HEPH: variants seen among roughly 807,000 people sequenced by gnomAD.
HEPH encodes the protein hephaestin.
In HEPH, 69 loss-of-function variants were observed where a neutral mutation model predicts 80.8. The observed-to-expected ratio is 0.85, with a 90% confidence interval of 0.70 to 1.04. The LOEUF (loss-of-function observed/expected upper bound fraction) is 1.04. Ranked by LOEUF, HEPH falls within the 50% of genes least tolerant of loss-of-function variation. HEPH has a pLI of 0.00. For missense variants in HEPH, 1,115 were observed against 891.3 expected (o/e 1.25, Z -3.20); for synonymous variants, 431 against 322.8 (o/e 1.34, Z -3.60).
chrX:66,256,200 A>G lies in HEPH; in HGVS notation c.2766A>G (p.Ala922=), dbSNP rs750861316. 8.3e-7 allele frequency: 1 copy of G among 1,211,156 alleles called. No homozygotes were observed. Among genetic ancestry groups the G allele is most frequent in the African/African-American group, 1.7e-5 (1 of 57,790 alleles). ...GGAGTGACATGGATCGGGAATTTGC[A>G]TTGTTGTTCTTGATTTTTGATGAAA... ...GGRSDMDREF[A]LLFLIFDENK... is the part of the protein sequence containing the mutation. Residue 922 remains alanine, a synonymous_variant, in exon 17 of 21, where the codon GCA becomes GCG. Coordinates refer to ENST00000343002, the MANE Select transcript of HEPH (RefSeq NM_001367233.3).
At chrX:66,175,866 T>C (rs1162697938) in intron 4 of HEPH, among the ~76,000 whole-genome samples, 1 of 112,159 alleles carries the variant, frequency 8.9e-6, no homozygotes, top group Admixed American at 9.5e-5. Flanking sequence ...ATTAATCTTA[T>C]ATCCAGAAAC....
At chrX:66,233,317 C>T (rs900702014) in intron 15 of HEPH, among the ~76,000 whole-genome samples, 1 of 111,506 alleles carries the variant, frequency 9.0e-6, no homozygotes, top group Non-Finnish European at 1.9e-5. Flanking sequence ...CACTGCCTTA[C>T]CAAACCTCAA....
chrX:66,215,925 G>T (rs759686692), intron 15 of HEPH, among the ~76,000 whole-genome samples: 2 of 108,461 alleles, frequency 1.8e-5, no homozygotes, highest in African/African-American at 6.9e-5. Context: ...CCAGCCTTTC[G>T]GCTGTGGGCT....
intron 15 of HEPH, among the ~76,000 whole-genome samples, chrX:66,210,878 G>A (rs1275604526): frequency 1.8e-5 from 2 of 111,531 alleles, no homozygotes; most frequent in African/African-American, 3.2e-5. Context: ...AATAAATGCA[G>A]GAAGCAGGGG....
At chrX:66,243,843 C>G (rs1367207350) in intron 15 of HEPH, among the ~76,000 whole-genome samples, 1 of 112,220 alleles carries the variant, frequency 8.9e-6, no homozygotes, top group Non-Finnish European at 1.9e-5. Context: ...TTAATGACCT[C>G]TTGTAAGCCA....
chrX:66,198,019 G>A (rs887604622), intron 10 of HEPH, 125 bp downstream of exon 10: 2 of 557,581 alleles, frequency 3.6e-6, no homozygotes, highest in Non-Finnish European at 5.7e-6. Context: ...AATCAAGCTG[G>A]TCCATCAGAA....
rs775043884 is a variant in HEPH at position 66,193,526 on chromosome X, G to A, written c.1257G>A (p.Lys419=). 1.7e-6 allele frequency: 2 copies of A among 1,185,322 alleles called. No individual in the cohort carries two copies. Among genetic ancestry groups the A allele is most frequent in the South Asian group, 3.8e-5 (2 of 52,855 alleles). Residue 419 remains lysine (K), a synonymous_variant, in exon 8 of 21, where the codon AAG becomes AAA. Coordinates refer to ENST00000343002, the MANE Select transcript of HEPH (RefSeq NM_001367233.3). The part of the protein sequence containing the change: ...PGSISDKFFQ[K]SSSRIGGTYW... ...GTATCTCAGATAAGTTTTTCCAGAA[G>A]AGCTCCAGCCGAATTGGGGGCACTT...
intron 15 of HEPH, among the ~76,000 whole-genome samples, chrX:66,231,583 G>A (rs2090145524): frequency 9.1e-6 from 1 of 109,793 alleles, no homozygotes; most frequent in Non-Finnish European, 1.9e-5. Context: ...CTGTTTGTCT[G>A]TTGTTGGTGT....
At chrX:66,234,762 G>A (rs777715186) in intron 15 of HEPH, among the ~76,000 whole-genome samples, 15 of 110,406 alleles carry the variant, frequency 1.4e-4, no homozygotes, top group African/African-American at 4.0e-4. Flanking sequence ...TCAGCCTTGC[G>A]GGTAGCTGGG....
intron 15 of HEPH, among the ~76,000 whole-genome samples, chrX:66,249,933 A>G (rs1424068303): frequency 9.0e-6 from 1 of 111,599 alleles, no homozygotes; most frequent in East Asian, 2.8e-4. Flanking sequence ...AGAATAGAGT[A>G]ACAGGCAAGA....
At chrX:66,179,679 T>C (rs1373881467) in intron 4 of HEPH, among the ~76,000 whole-genome samples, 3 of 111,648 alleles carry the variant, frequency 2.7e-5, no homozygotes, top group Admixed American at 1.9e-4. Flanking sequence ...CCCACTATTA[T>C]TGTGTTTCTC....
chrX:66,203,410 G>C lies in HEPH; in HGVS notation c.2124G>C (p.Gly708=), dbSNP rs1251443001. The change falls in exon 13 of 21, where the codon GGG becomes GGC. Residue 708 remains glycine, a synonymous_variant. Coordinates refer to ENST00000343002, the MANE Select transcript of HEPH (RefSeq NM_001367233.3). ...YCQAGSHREA[G]MRAIYNVSQC... ...AGGCAGGCAGCCATCGAGAAGCAGG[G>C]ATGAGGGCAATCTATAATGTCTCCC... The C allele has an allele frequency of 2.5e-6, 3 of 1,208,259 alleles. No individual in the cohort carries two copies. Among genetic ancestry groups the C allele is most frequent in the Non-Finnish European group, 2.2e-6 (2 of 894,736 alleles).
At chrX:66,239,962 C>A (rs1439850354) in intron 15 of HEPH, among the ~76,000 whole-genome samples, 1 of 111,517 alleles carries the variant, frequency 9.0e-6, no homozygotes, top group Admixed American at 9.6e-5. Context: ...TTCACAATGG[C>A]ATATAAATAG....
intron 15 of HEPH, among the ~76,000 whole-genome samples, chrX:66,231,894 G>C (rs2090161186): frequency 9.1e-6 from 1 of 109,686 alleles, no homozygotes; most frequent in African/African-American, 3.4e-5. Flanking sequence ...TTCCCATTCA[G>C]TATGATATTG....
At chrX:66,254,147 T>A (rs1053995784) in intron 15 of HEPH, among the ~76,000 whole-genome samples, 2 of 111,342 alleles carry the variant, frequency 1.8e-5, no homozygotes, top group Admixed American at 1.9e-4. Flanking sequence ...ATTTGGAAGA[T>A]GAATTGGAGG....
At chrX:66,171,266 A>G (rs2086585949) in intron 2 of HEPH, 2 of 218,150 alleles carry the variant, frequency 9.2e-6, no homozygotes, top group Non-Finnish European at 1.7e-5. Context: ...AAAACTCTAG[A>G]AGGTAAGTAT....
chrX:66,198,865 A>G lies in HEPH; in HGVS notation c.1714-13A>G, dbSNP rs753809467. The G allele has an allele frequency of 1.2e-5, 14 of 1,162,887 alleles. No individual in the cohort carries two copies. The highest frequency in any genetic ancestry group is 4.4e-5 in the Admixed American group (2 of 45,544). ...GTCATTATTCCCTCTACTTTCTTCT[A>G]TTGGGCCTGCAGAAAGGGGTGGATA... On this transcript the variant is annotated splice_polypyrimidine_tract_variant and intron_variant, in intron 10 of 20. Transcript: ENST00000343002.
intron 15 of HEPH, among the ~76,000 whole-genome samples, chrX:66,208,627 CATACATAT>C (rs1449016638): frequency 1.7e-4 from 6 of 35,765 alleles, no homozygotes; most frequent in African/African-American, 4.0e-4. Flanking sequence ...CAAATATATA[CATACATAT>C]ATATATATAT....
intron 15 of HEPH, among the ~76,000 whole-genome samples, chrX:66,233,641 ATCT>A (rs1432745520): frequency 9.0e-6 from 1 of 110,808 alleles, no homozygotes; most frequent in African/African-American, 3.3e-5. Context: ...AGTGAAGAAA[ATCT>A]TCTTCAACAA....
Sources: allele counts gnomAD v4.1 joint callset (sites outside exome capture counted in the v4.1 genomes callset), GRCh38; gene constraint gnomAD v4.1.1; transcripts MANE v1.5; gene names NCBI Gene and HGNC (gene_info 2026-07-23, HGNC 2026-07-21).